PCDHA4: variants seen among roughly 807,000 people sequenced by gnomAD.
The protein encoded by PCDHA4 is protocadherin alpha 4.
Under a neutral mutation model 61.4 loss-of-function variants are expected in PCDHA4, and 49 were observed. The observed-to-expected ratio is 0.80, with a 90% CI of 0.63 to 1.01. PCDHA4 has a LOEUF of 1.01. Among genes scored for constraint, PCDHA4 ranks in the 50% least tolerant of loss-of-function variants. The probability of loss-of-function intolerance (pLI) is 0.00; values close to 1 mark genes in which losing one functional copy is unlikely to be tolerated. For missense variants in PCDHA4, 1,254 were observed against 1,235.8 expected (o/e 1.01, Z -0.22); for synonymous variants, 590 against 550.3 (o/e 1.07, Z -1.01).
At chr5:140,964,015 A>G (rs1466689123) in intron 1 of PCDHA4, among the ~76,000 whole-genome samples, 1 of 152,178 alleles carries the variant, frequency 6.6e-6, no homozygotes. Context: ...TTTAATAGAG[A>G]GCTCTTGAAG....
intron 1 of PCDHA4, among the ~76,000 whole-genome samples, chr5:140,890,337 A>G (rs1256335004): frequency 3.3e-5 from 5 of 152,192 alleles, no homozygotes; most frequent in African/African-American, 1.2e-4. Flanking sequence ...GGTAGTTGGG[A>G]TGGTTTACTA....
At chr5:140,883,052 A>G (rs1554176592) in intron 1 of PCDHA4, 1 of 1,614,134 alleles carries the variant, frequency 6.2e-7, no homozygotes, top group East Asian at 2.2e-5. Flanking sequence ...AACATTAGTG[A>G]TCAAGCTAAA....
rs782046977 is a variant in PCDHA4 at position 140,968,811 on chromosome 5, A to T, written c.2386-10138A>T. The T allele has an allele frequency of 5.0e-6, 8 of 1,614,086 alleles. No homozygotes were observed. The African/African-American group carries it at 6.7e-5, about 13-fold the overall frequency. The stretch of plus-strand genomic sequence containing the variant: ...GTGGCCATTACAGTAGCTGTGGTGG[A>T]TAGGGTTTCCAAAATCCTCCCTGAC... On this transcript the variant is annotated intron_variant, in intron 1 of 3. Coordinates refer to ENST00000530339, the MANE Select transcript of PCDHA4 (RefSeq NM_018907.4).
intron 1 of PCDHA4, among the ~76,000 whole-genome samples, chr5:140,937,326 C>A (rs1287239556): frequency 2.0e-5 from 3 of 152,046 alleles, no homozygotes; most frequent in African/African-American, 7.2e-5. Flanking sequence ...CGTGAGCCAC[C>A]GCGCCCGGCT....
intron 1 of PCDHA4, among the ~76,000 whole-genome samples, chr5:140,972,660 ATTTTTTT>A (rs11350929): frequency 8.5e-6 from 1 of 117,268 alleles, no homozygotes; most frequent in Admixed American, 9.2e-5. Flanking sequence ...AAGAAACCAA[ATTTTTTT>A]TTTTTTTTTT....
In PCDHA4 at chr5:140,808,704, G is replaced by C; in HGVS notation, c.1517G>C (p.Ser506Thr). The change falls in exon 1 of 4, where the codon AGC becomes ACC. Residue 506 changes from serine to threonine, a missense_variant. Physicochemically the swap from Ser to Thr is moderately conservative, Grantham distance 58. Transcript: ENST00000530339. Reference sequence around the variant, plus strand: ...CGGGTAGGGGAGCGCGCGCTGTCGAGCTACGTTTCGGTGCATGCGGAGAGC... The same window carrying C: ...CGGGTAGGGGAGCGCGCGCTGTCGACCTACGTTTCGGTGCATGCGGAGAGC... ...ERRVGERALS[S>T]YVSVHAESGK... 1 of 1,612,186 alleles carries C rather than the reference G, an allele frequency of 6.2e-7. No homozygotes were observed. Among genetic ancestry groups the C allele is most frequent in the South Asian group, 1.1e-5 (1 of 91,006 alleles).
chr5:140,978,836 A>G (rs891146888), intron 1 of PCDHA4, 113 bp from the exon 2 acceptor site: 1 of 1,552,522 alleles, frequency 6.4e-7, no homozygotes, highest in Non-Finnish European at 8.7e-7. Context: ...GGCTCATTCA[A>G]TACTTTTTTA....
At position 140,850,694 on chromosome 5, in the gene PCDHA4, G is replaced by T. The variant is rs2150494629; in HGVS notation, c.2385+41122G>T. The T allele has an allele frequency of 5.6e-6, 9 of 1,598,344 alleles. 1 individual carries two copies. The Admixed American group carries it at 8.4e-5, about 15-fold the overall frequency. On this transcript the variant is annotated intron_variant, in intron 1 of 3. Coordinates refer to ENST00000530339, the MANE Select transcript of PCDHA4 (RefSeq NM_018907.4). ...CGATGCCCACCGAGGGCGAGTGCGC[G>T]CCTGGCAAGCCGACGCTGGTGTGTT...
At chr5:140,916,647 C>T (rs2077666767) in intron 1 of PCDHA4, among the ~76,000 whole-genome samples, 1 of 152,180 alleles carries the variant, frequency 6.6e-6, no homozygotes, top group African/African-American at 2.4e-5. Context: ...TGTGGCTGAG[C>T]TGGTATCCAA....
chr5:140,921,932 T>C (rs1249285993), intron 1 of PCDHA4, among the ~76,000 whole-genome samples: 1 of 152,080 alleles, frequency 6.6e-6, no homozygotes, highest in Non-Finnish European at 1.5e-5. Context: ...ATAGTCAATA[T>C]AATTTTACAC....
intron 1 of PCDHA4, among the ~76,000 whole-genome samples, chr5:140,874,119 GTTTA>G (rs1582151784): frequency 6.6e-6 from 1 of 152,064 alleles, no homozygotes; most frequent in Non-Finnish European, 1.5e-5. Flanking sequence ...ACGTTTTATA[GTTTA>G]TTTAAGTTAT....
intron 1 of PCDHA4, among the ~76,000 whole-genome samples, chr5:140,820,140 C>A (rs1766693487): frequency 1.3e-5 from 2 of 151,718 alleles, no homozygotes; most frequent in South Asian, 4.2e-4. Context: ...TAAAATATTT[C>A]AAAATTATCA....
intron 1 of PCDHA4, chr5:140,858,899 C>G (rs1236968449): frequency 4.9e-6 from 1 of 203,942 alleles, no homozygotes; most frequent in South Asian, 8.1e-5. Context: ...ATATGTGTAG[C>G]GTACCACAGC....
rs1554124081 is a variant in PCDHA4, at chr5:140,807,560, G to A, written c.373G>A (p.Asp125Asn). Residue 125 changes from aspartate (D) to asparagine (N), a missense_variant, in exon 1 of 4, where the codon GAC (aspartate) becomes AAC (asparagine). Coordinates refer to ENST00000530339, the MANE Select transcript of PCDHA4 (RefSeq NM_018907.4). ...TTTCCATGTGGACGTGGAGGTGAGG[G>A]ACATTAACGATAACCCGCCGGTGTT... ...QVFHVDVEVR[D>N]INDNPPVFPA... 1.2e-6 allele frequency: 2 copies of A among 1,614,182 alleles called. No individual in the cohort carries two copies. Among genetic ancestry groups the A allele is most frequent in the South Asian group, 1.1e-5 (1 of 91,088 alleles).
At chr5:140,843,070 G>T (rs2150351793) in intron 1 of PCDHA4, 5 of 1,595,368 alleles carry the variant, frequency 3.1e-6, no homozygotes, top group East Asian at 2.2e-5. Flanking sequence ...TGGTGCCGCG[G>T]TCTGTGGGCG....
chr5:140,917,106 TC>T (rs1554197830), intron 1 of PCDHA4, among the ~76,000 whole-genome samples: 1 of 152,094 alleles, frequency 6.6e-6, no homozygotes, highest in African/African-American at 2.4e-5. Context: ...GTGCTTTACT[TC>T]CTCCAAGTGC....
At chr5:140,963,198 A>G (rs2095745338) in intron 1 of PCDHA4, among the ~76,000 whole-genome samples, 1 of 151,784 alleles carries the variant, frequency 6.6e-6, no homozygotes, top group South Asian at 2.1e-4. Context: ...GTGAAAATGA[A>G]AAAAAAAACC....
intron 1 of PCDHA4, chr5:140,882,304 G>A (rs1046715245): frequency 1.2e-6 from 2 of 1,613,750 alleles, no homozygotes; most frequent in Non-Finnish European, 1.7e-6. Context: ...CAAGACCGCG[G>A]CAACTACTGC....
At chr5:140,929,209 G>T in intron 1 of PCDHA4, 1 of 1,614,054 alleles carries the variant, frequency 6.2e-7, no homozygotes, top group Non-Finnish European at 8.5e-7. Context: ...GCTGTTGCGT[G>T]GGGAGTACAA....
Sources: allele counts gnomAD v4.1 joint callset (sites outside exome capture counted in the v4.1 genomes callset), GRCh38; gene constraint gnomAD v4.1.1; transcripts MANE v1.5; gene names NCBI Gene and HGNC (gene_info 2026-07-23, HGNC 2026-07-21).